The following C1QTNF3 variants were observed in gnomAD, a reference collection of about 807,000 sequenced individuals.
The protein encoded by C1QTNF3 is complement C1q tumor necrosis factor-related protein 3.
Under a neutral mutation model 32.6 loss-of-function variants are expected in C1QTNF3, and 26 were observed. The observed-to-expected ratio is 0.80, with a 90% CI of 0.58 to 1.11. The LOEUF (loss-of-function observed/expected upper bound fraction) is 1.11, where lower values mean the gene tolerates loss of function less well. Among genes scored for constraint, C1QTNF3 ranks in the 50% least tolerant of loss-of-function variants. The probability of loss-of-function intolerance (pLI) is 0.00; values close to 1 mark genes in which losing one functional copy is unlikely to be tolerated. For missense variants in C1QTNF3, 362 were observed against 398.2 expected (o/e 0.91, Z 0.77); for synonymous variants, 155 against 146.0 (o/e 1.06, Z -0.44).
the C1QTNF3 span, among the ~76,000 whole-genome samples, chr5:34,207,070 G>C: frequency 2.6e-5 from 4 of 151,996 alleles, no homozygotes; most frequent in African/African-American, 9.7e-5. Flanking sequence ...GGCAAGGTAT[G>C]GGCCTCAGAA....
chr5:34,085,257 C>T, the C1QTNF3 span, among the ~76,000 whole-genome samples: 3 of 150,034 alleles, frequency 2.0e-5, no homozygotes, highest in Admixed American at 6.6e-5. Flanking sequence ...AGCCTCCCAA[C>T]GTGCTGGGAT....
At chr5:34,216,606 T>G in the C1QTNF3 span, among the ~76,000 whole-genome samples, 39 of 152,272 alleles carry the variant, frequency 2.6e-4, no homozygotes, top group South Asian at 1.4e-3. Flanking sequence ...ATCAAAGAAG[T>G]GGTTCTCAAC....
Position 34,033,213 on chromosome 5 carries a change from A to G in C1QTNF3, c.570+91T>C, listed in dbSNP as rs577716500. The stretch of plus-strand genomic sequence containing the variant: ...TCAGATTTACTCAGGATTGGGGAAG[A>G]CTTGAGGAAGCGCTCGAACATCCTG... On this transcript the variant is annotated intron_variant, in intron 3 of 5. Transcript: ENST00000382065. 3.0e-5 allele frequency: 42 copies of G among 1,385,004 alleles called. No homozygotes were observed. In the African/African-American group the frequency reaches 6.0e-4, roughly 20 times the overall value. 85.8% of individuals were successfully genotyped at this position (1,385,004 alleles called of 1,614,324 possible).
the C1QTNF3 span, among the ~76,000 whole-genome samples, chr5:34,230,623 A>G: frequency 6.6e-6 from 1 of 152,236 alleles, no homozygotes; most frequent in Admixed American, 6.5e-5. Context: ...AAAATTATTC[A>G]GCTTTACATT....
At chr5:34,183,107 T>C in the C1QTNF3 span, among the ~76,000 whole-genome samples, 1 of 152,068 alleles carries the variant, frequency 6.6e-6, no homozygotes, top group African/African-American at 2.4e-5. Context: ...GCCTCTGGAA[T>C]AGCTGGGATT....
upstream of C1QTNF3, among the ~76,000 whole-genome samples, chr5:34,044,982 G>C (rs1231931068): frequency 6.6e-6 from 1 of 152,164 alleles, no homozygotes; most frequent in Non-Finnish European, 1.5e-5. Flanking sequence ...CCTGTGTTTG[G>C]AGGGTGAGCA....
rs1754280842 is a variant in C1QTNF3 at position 34,019,822 on chromosome 5, T to A, written c.*761A>T. 6.6e-6 allele frequency: 1 copy of A among 152,254 alleles called. No individual in the cohort carries two copies. The highest frequency in any genetic ancestry group is 2.4e-5 in the African/African-American group (1 of 41,466). 9.4% of individuals were successfully genotyped at this position (152,254 alleles called of 1,614,324 possible). Reference sequence around the variant, plus strand: ...ATTAATAGTGTATGTTCTTCAGATATAAAATCCCTCTGGTCAACATGCAAC... The same window carrying A: ...ATTAATAGTGTATGTTCTTCAGATAAAAAATCCCTCTGGTCAACATGCAAC... On this transcript the variant is annotated 3_prime_UTR_variant, in exon 6 of 6. Transcript: ENST00000382065.
At chr5:34,220,753 T>C in the C1QTNF3 span, among the ~76,000 whole-genome samples, 3 of 152,074 alleles carry the variant, frequency 2.0e-5, no homozygotes, top group Admixed American at 1.3e-4. Context: ...TCCTAAAAAT[T>C]TGCATGGCTG....
chr5:34,023,084 A>T (rs1422220046), intron 5 of C1QTNF3, among the ~76,000 whole-genome samples: 2 of 152,164 alleles, frequency 1.3e-5, no homozygotes, highest in African/African-American at 4.8e-5. Flanking sequence ...CTCGATCTCC[A>T]GACCTCGTGA....
chr5:34,043,196 GA>G lies in C1QTNF3; in HGVS notation c.-72del. The G allele has an allele frequency of 6.7e-7, 1 of 1,501,670 alleles. No individual in the cohort carries two copies. Among genetic ancestry groups the G allele is most frequent in the Non-Finnish European group, 9.0e-7 (1 of 1,115,450 alleles). The allele number at this position is 1,501,670 out of a possible 1,614,324, so 93.0% of individuals were successfully genotyped here. A position where few individuals can be genotyped will look rare whatever the true frequency, so the allele number is the denominator to read the frequency against. ...TCCAGGAGCGTGGTCTCCTCGGGCA[GA>G]TGCCAGGACTGGAGCTGAGAGCTGC... is the stretch of plus-strand genomic sequence containing the variant. On this transcript the variant is annotated 5_prime_UTR_variant, in exon 1 of 6. Transcript: ENST00000382065.
At chr5:34,167,049 AT>A in the C1QTNF3 span, 4 of 152,022 alleles carry the variant, frequency 2.6e-5, no homozygotes, top group Admixed American at 2.6e-4. Flanking sequence ...TTTTCTCCAC[AT>A]TTTCTCTATT....
At chr5:34,107,678 G>C in the C1QTNF3 span, among the ~76,000 whole-genome samples, 1 of 151,960 alleles carries the variant, frequency 6.6e-6, no homozygotes, top group Non-Finnish European at 1.5e-5. Context: ...AAGAGAGAAT[G>C]AGGAAAGGAC....
chr5:34,063,228 C>A, the C1QTNF3 span, among the ~76,000 whole-genome samples: 1 of 152,028 alleles, frequency 6.6e-6, no homozygotes, highest in Non-Finnish European at 1.5e-5. Context: ...TTCTTTCTCT[C>A]TTTGACTTTC....
chr5:34,073,276 G>A, the C1QTNF3 span, among the ~76,000 whole-genome samples: 7 of 151,268 alleles, frequency 4.6e-5, no homozygotes, highest in East Asian at 5.8e-4. Flanking sequence ...GCAGTGAGCC[G>A]AGATCGCGCC....
chr5:34,056,454 G>GTGTGTATATATATATATA, the C1QTNF3 span, among the ~76,000 whole-genome samples: 10 of 48,960 alleles, frequency 2.0e-4, no homozygotes, highest in East Asian at 9.8e-4. Flanking sequence ...GTGTGTGTGT[G>GTGTGTATATATATATATA]TATATATATA....
chr5:34,034,162 G>A (rs553604538), intron 2 of C1QTNF3, among the ~76,000 whole-genome samples: 1 of 152,294 alleles, frequency 6.6e-6, no homozygotes, highest in African/African-American at 2.4e-5. Context: ...GCCAGACTTT[G>A]TTTCAGGCAA....
the C1QTNF3 span, among the ~76,000 whole-genome samples, chr5:34,195,431 TTAAA>T: frequency 7.0e-6 from 1 of 142,094 alleles, no homozygotes; most frequent in African/African-American, 2.6e-5. Flanking sequence ...ATTGATACTG[TTAAA>T]TATTTAAAAA....
chr5:34,174,731 C>A, the C1QTNF3 span, among the ~76,000 whole-genome samples: 2 of 152,124 alleles, frequency 1.3e-5, no homozygotes, highest in Non-Finnish European at 2.9e-5. Context: ...GAGCACAGAT[C>A]TTATTGTCTT....
At chr5:34,209,906 G>A in the C1QTNF3 span, among the ~76,000 whole-genome samples, 3 of 152,032 alleles carry the variant, frequency 2.0e-5, no homozygotes, top group African/African-American at 4.8e-5. Flanking sequence ...GGTCTCAATA[G>A]TAAATCTGCC....
Sources: allele counts gnomAD v4.1 joint callset (sites outside exome capture counted in the v4.1 genomes callset), GRCh38; gene constraint gnomAD v4.1.1; transcripts MANE v1.5; gene names NCBI Gene and HGNC (gene_info 2026-07-23, HGNC 2026-07-21).